The following TMEM87A variants were observed in gnomAD, a reference collection of about 807,000 sequenced individuals.
The protein encoded by TMEM87A is Golgi-pH regulating cation channel.
In TMEM87A, 50 loss-of-function variants were observed where a neutral mutation model predicts 90.0. That is an observed-to-expected ratio of 0.56 (90% CI 0.44 to 0.70). The LOEUF (loss-of-function observed/expected upper bound fraction) is 0.70, where lower values mean the gene tolerates loss of function less well. TMEM87A is among the 30% of genes least tolerant of loss of function. The pLI, the probability that TMEM87A is intolerant of heterozygous loss-of-function variation, is 0.00. For synonymous variants in TMEM87A, 226 were observed against 226.7 expected (o/e 1.00, Z 0.03); for missense variants, 577 against 660.5 (o/e 0.87, Z 1.39).
intron 6 of TMEM87A, among the ~76,000 whole-genome samples, chr15:42,260,594 T>C (rs1313528384): frequency 6.6e-6 from 1 of 152,242 alleles, no homozygotes; most frequent in Non-Finnish European, 1.5e-5. Context: ...GGCATATTTA[T>C]AGCTTTAGAC....
chr15:42,243,933 T>C (rs1486140373), intron 7 of TMEM87A, 117 bp downstream of exon 7: 1 of 552,666 alleles, frequency 1.8e-6, no homozygotes, highest in Non-Finnish European at 3.0e-6. Flanking sequence ...AGCAGGAGTG[T>C]CAAATGAAGG....
At chr15:42,230,014 T>C (rs566845356) in intron 12 of TMEM87A, among the ~76,000 whole-genome samples, 5 of 152,282 alleles carry the variant, frequency 3.3e-5, no homozygotes, top group African/African-American at 9.6e-5. Flanking sequence ...TTTGTAGAGA[T>C]AGGGCTTCGC....
At chr15:42,242,163 CA>C (rs755872219) in intron 7 of TMEM87A, among the ~76,000 whole-genome samples, 1 of 151,742 alleles carries the variant, frequency 6.6e-6, no homozygotes, top group South Asian at 2.1e-4. Context: ...AACAGAAACT[CA>C]AAACAGTGCA....
intron 6 of TMEM87A, among the ~76,000 whole-genome samples, chr15:42,247,507 C>T (rs2050999995): frequency 1.3e-5 from 2 of 152,262 alleles, no homozygotes; most frequent in South Asian, 2.1e-4. Flanking sequence ...CTACATATGC[C>T]TAGCCAGTTT....
At chr15:42,243,269 A>AAAATAAATAAAT (rs1204941803) in intron 7 of TMEM87A, among the ~76,000 whole-genome samples, 7 of 117,610 alleles carry the variant, frequency 6.0e-5, no homozygotes, top group South Asian at 3.0e-4. Context: ...TTCCATCTCA[A>AAAATAAATAAAT]AAATAAATAA....
chr15:42,268,939 G>A (rs1408454127), intron 2 of TMEM87A, among the ~76,000 whole-genome samples: 2 of 152,078 alleles, frequency 1.3e-5, no homozygotes, highest in African/African-American at 2.4e-5. Context: ...AGATAGAACA[G>A]AAAGAGCAAT....
chr15:42,273,506 C>G (rs372604834), upstream of TMEM87A: 10 of 1,523,348 alleles, frequency 6.6e-6, no homozygotes, highest in African/African-American at 1.4e-4. Context: ...CTGGAAACGT[C>G]GCGGAGCTTG....
At chr15:42,273,497 T>C, upstream of TMEM87A, 1 of 1,544,450 alleles carries the variant, frequency 6.5e-7, no homozygotes, top group Non-Finnish European at 8.7e-7. Context: ...ATCCGGGTCC[T>C]GGAAACGTCG....
chr15:42,269,128 A>G (rs1055081318), intron 2 of TMEM87A, among the ~76,000 whole-genome samples: 2 of 152,212 alleles, frequency 1.3e-5, no homozygotes, highest in Non-Finnish European at 2.9e-5. Context: ...GGATCAAGAC[A>G]TTATTCTGAA....
rs976437482 is a variant in TMEM87A at position 42,273,138 on chromosome 15, C to T, written c.144+117G>A. The T allele has an allele frequency of 3.0e-6, 4 of 1,331,416 alleles. No individual in the cohort carries two copies. In the African/African-American group the frequency reaches 4.3e-5, roughly 14 times the overall value. The allele number at this position is 1,331,416 out of a possible 1,614,324, so 82.5% of individuals were successfully genotyped here. On this transcript the variant is annotated intron_variant, in intron 1 of 19. Coordinates refer to ENST00000389834, the MANE Select transcript of TMEM87A (RefSeq NM_015497.5). The stretch of plus-strand genomic sequence containing the variant: ...CCAGTTGGCTAGCCACACAGACCAT[C>T]CCAGCAACCCCACCCCTTTTGAAGA...
chr15:42,232,230 T>C (rs1007474192), intron 11 of TMEM87A, among the ~76,000 whole-genome samples: 2 of 152,130 alleles, frequency 1.3e-5, no homozygotes, highest in African/African-American at 2.4e-5. Flanking sequence ...ATAAATTTCT[T>C]TTCTCCTCTT....
intron 15 of TMEM87A, among the ~76,000 whole-genome samples, chr15:42,225,787 T>G (rs1413810223): frequency 6.6e-6 from 1 of 152,216 alleles, no homozygotes; most frequent in African/African-American, 2.4e-5. Flanking sequence ...TCTGCCCACC[T>G]TGGCCTCCCA....
chr15:42,247,082 A>AT (rs2050990775), intron 6 of TMEM87A, among the ~76,000 whole-genome samples: 1 of 152,158 alleles, frequency 6.6e-6, no homozygotes, highest in African/African-American at 2.4e-5. Context: ...TGTTGGCTGC[A>AT]TAAACGTCTT....
chr15:42,220,958 A>T (rs1246915314), intron 15 of TMEM87A, among the ~76,000 whole-genome samples: 1 of 151,782 alleles, frequency 6.6e-6, no homozygotes, highest in Non-Finnish European at 1.5e-5. Flanking sequence ...TGCCTGGCCA[A>T]TTTTTTGCAT....
At chr15:42,260,014 C>CAGT (rs2051258067) in intron 6 of TMEM87A, among the ~76,000 whole-genome samples, 2 of 89,654 alleles carry the variant, frequency 2.2e-5, no homozygotes, top group African/African-American at 3.9e-5. Flanking sequence ...CTGGAATTAG[C>CAGT]GATTGGTGCT....
chr15:42,239,025 G>A (rs1023542725), intron 8 of TMEM87A, among the ~76,000 whole-genome samples: 5 of 151,728 alleles, frequency 3.3e-5, no homozygotes, highest in African/African-American at 9.7e-5. Context: ...ACAAAATGAA[G>A]AGAAGGGAGC....
chr15:42,244,951 C>T (rs889791565), intron 6 of TMEM87A, among the ~76,000 whole-genome samples: 3 of 151,430 alleles, frequency 2.0e-5, no homozygotes, highest in African/African-American at 7.3e-5. Flanking sequence ...TCTGTGAACC[C>T]CCCAAAATGA....
chr15:42,253,976 T>C (rs1159848825), intron 6 of TMEM87A, among the ~76,000 whole-genome samples: 2 of 152,262 alleles, frequency 1.3e-5, no homozygotes, highest in Non-Finnish European at 2.9e-5. Context: ...CTAGGACATC[T>C]GACCCGAGAG....
At chr15:42,230,940 A>C (rs969354851) in intron 12 of TMEM87A, among the ~76,000 whole-genome samples, 1 of 152,224 alleles carries the variant, frequency 6.6e-6, no homozygotes, top group African/African-American at 2.4e-5. Flanking sequence ...CTTAAAAGAA[A>C]AAAGCCAAAA....
Sources: allele counts gnomAD v4.1 joint callset (sites outside exome capture counted in the v4.1 genomes callset), GRCh38; gene constraint gnomAD v4.1.1; transcripts MANE v1.5; gene names NCBI Gene and HGNC (gene_info 2026-07-23, HGNC 2026-07-21).